RELN: variants seen among roughly 807,000 people sequenced by gnomAD.
RELN encodes reelin.
In RELN, 108 loss-of-function variants were observed where a neutral mutation model predicts 427.6. That is an observed-to-expected ratio of 0.25 (90% CI 0.22 to 0.30). The LOEUF (loss-of-function observed/expected upper bound fraction) is 0.30, where lower values mean the gene tolerates loss of function less well. Among genes scored for constraint, RELN ranks in the 10% least tolerant of loss-of-function variants. The pLI is 1.00. For missense variants in RELN, 3,715 were observed against 4,302.8 expected, an observed-to-expected ratio of 0.86 and a Z score of 3.82; for synonymous variants, 1,524 against 1,513.4, an observed-to-expected ratio of 1.01 and a Z score of -0.16.
intron 28 of RELN, 113 bp from the exon 29 acceptor site, chr7:103,575,818 A>G: frequency 3.4e-6 from 4 of 1,190,874 alleles, no homozygotes; most frequent in East Asian, 2.4e-5. Context: ...TTTGAAAGTC[A>G]TGTCTGCTTG....
chr7:103,663,144 C>T (rs1462753983), intron 11 of RELN, among the ~76,000 whole-genome samples: 1 of 152,150 alleles, frequency 6.6e-6, no homozygotes, highest in African/African-American at 2.4e-5. Context: ...TCCCAAACTT[C>T]CTGGCTCCTC....
intron 2 of RELN, among the ~76,000 whole-genome samples, chr7:103,916,855 TGAAA>T (rs894039922): frequency 6.6e-6 from 1 of 152,064 alleles, no homozygotes; most frequent in African/African-American, 2.4e-5. Flanking sequence ...AGGGAGAGAA[TGAAA>T]GAAAGTTCAT....
chr7:103,530,081 G>A (rs1046076981), intron 46 of RELN, among the ~76,000 whole-genome samples: 1 of 152,078 alleles, frequency 6.6e-6, no homozygotes, highest in Non-Finnish European at 1.5e-5. Context: ...CAGTTTTACA[G>A]CATTGCCTAT....
chr7:103,929,388 C>T (rs1291336514), intron 1 of RELN, among the ~76,000 whole-genome samples: 3 of 152,100 alleles, frequency 2.0e-5, no homozygotes, highest in Admixed American at 6.6e-5. Flanking sequence ...AGGTGAATAA[C>T]CTTCTTTCGA....
At chr7:103,600,270 C>A (rs362676) in intron 24 of RELN, among the ~76,000 whole-genome samples, 5,408 of 152,244 alleles carry the variant, frequency 0.036, 325 homozygotes, top group African/African-American at 0.12. Context: ...TGGGTTACTG[C>A]CCCTTCACTT....
At chr7:103,954,482 C>T (rs1796395699) in intron 1 of RELN, among the ~76,000 whole-genome samples, 1 of 152,208 alleles carries the variant, frequency 6.6e-6, no homozygotes, top group South Asian at 2.1e-4. Context: ...AAGTTATTTA[C>T]TCCCATTTTC....
chr7:103,604,009 T>C (rs1450382961), intron 23 of RELN, among the ~76,000 whole-genome samples: 1 of 151,770 alleles, frequency 6.6e-6, no homozygotes, highest in Non-Finnish European at 1.5e-5. Context: ...TGAAGTGGTG[T>C]AAGAGGGCAT....
chr7:103,594,939 C>T (rs549751299), intron 25 of RELN, among the ~76,000 whole-genome samples: 74 of 152,198 alleles, frequency 4.9e-4, no homozygotes, highest in African/African-American at 1.7e-3. Flanking sequence ...TACTACATAG[C>T]GTTGGCTTCT....
chr7:103,673,928 G>C (rs1204012160), intron 11 of RELN, among the ~76,000 whole-genome samples: 1 of 148,234 alleles, frequency 6.7e-6, no homozygotes, highest in African/African-American at 2.5e-5. Flanking sequence ...CCTCTTCCCT[G>C]CCCCTCCTCC....
At chr7:103,571,610 A>G (rs1830883336) in intron 31 of RELN, among the ~76,000 whole-genome samples, 1 of 152,216 alleles carries the variant, frequency 6.6e-6, no homozygotes, top group Non-Finnish European at 1.5e-5. Context: ...CATCTGCAAA[A>G]TAGAACTAAT....
In RELN at chr7:103,610,732, A is replaced by T. The variant is rs1191006935; in HGVS notation, c.2971T>A (p.Trp991Arg). Reference sequence around the variant, plus strand: ...GGAAGAAGCACTATGACTCTCCTCCACTGTGTAAACTCACTGGCATGGTAA... The same window carrying T: ...GGAAGAAGCACTATGACTCTCCTCCTCTGTGTAAACTCACTGGCATGGTAA... ...SIYHASEFTQ[W>R]RRVIVLLPQK... The change falls in exon 22 of 65, where the codon TGG becomes AGG. Residue 991 changes from tryptophan to arginine, a missense_variant. Transcript: ENST00000428762. The T allele has an allele frequency of 3.1e-6, 5 of 1,608,950 alleles. No homozygotes were observed.
At chr7:103,743,882 G>A (rs563990994) in intron 6 of RELN, among the ~76,000 whole-genome samples, 2 of 152,232 alleles carry the variant, frequency 1.3e-5, no homozygotes, top group African/African-American at 2.4e-5. Flanking sequence ...AGGATACCCA[G>A]GAATTGAATT....
At chr7:103,711,679 C>T (rs1182281719) in intron 8 of RELN, among the ~76,000 whole-genome samples, 1 of 152,032 alleles carries the variant, frequency 6.6e-6, no homozygotes, top group East Asian at 1.9e-4. Context: ...TTTTTAAAGG[C>T]AGGGTATTGC....
intron 1 of RELN, among the ~76,000 whole-genome samples, chr7:103,979,829 A>C (rs1052788661): frequency 3.9e-5 from 6 of 152,216 alleles, no homozygotes; most frequent in Non-Finnish European, 8.8e-5. Flanking sequence ...ATCCTATATA[A>C]GTTCTATTAG....
intron 2 of RELN, among the ~76,000 whole-genome samples, chr7:103,877,970 C>T (rs1429642141): frequency 2.6e-5 from 4 of 151,866 alleles, no homozygotes; most frequent in Admixed American, 6.6e-5. Flanking sequence ...ATTCTCCTGC[C>T]TCAGCCTCCC....
Position 103,572,493 on chromosome 7 carries a change from C to G in RELN, c.4512-233G>C, listed in dbSNP as rs1344910590. Among the ~76,000 whole-genome samples the G allele has an allele frequency of 2.6e-5, 4 of 151,928 alleles. No homozygotes were observed. In the East Asian group the frequency reaches 7.7e-4, roughly 29 times the overall value. ...TTTTATTCTGTAATAATGAGCTAAA[C>G]AAAAGGAAACCGTTGAATATCACTT... is the stretch of plus-strand genomic sequence containing the variant. On this transcript the variant is annotated intron_variant, in intron 30 of 64. Coordinates refer to ENST00000428762, the MANE Select transcript of RELN (RefSeq NM_005045.4).
chr7:103,678,604 C>T (rs1584400925), intron 11 of RELN, among the ~76,000 whole-genome samples: 1 of 152,078 alleles, frequency 6.6e-6, no homozygotes, highest in African/African-American at 2.4e-5. Context: ...CCAGAAAAGC[C>T]ATAATGGCTT....
At chr7:103,522,958 T>C (rs957030904) in intron 47 of RELN, among the ~76,000 whole-genome samples, 4 of 152,166 alleles carry the variant, frequency 2.6e-5, no homozygotes, top group African/African-American at 7.2e-5. Context: ...GACATCTACA[T>C]ACTTTCTTAG....
chr7:103,785,917 A>T (rs1792003033), intron 3 of RELN, among the ~76,000 whole-genome samples: 1 of 151,984 alleles, frequency 6.6e-6, no homozygotes, highest in Non-Finnish European at 1.5e-5. Context: ...TCTTAAAAGG[A>T]AAAAAAGGGA....
Sources: allele counts gnomAD v4.1 joint callset (sites outside exome capture counted in the v4.1 genomes callset), GRCh38; gene constraint gnomAD v4.1.1; transcripts MANE v1.5; gene names NCBI Gene and HGNC (gene_info 2026-07-23, HGNC 2026-07-21).